The following ATP9B variants were observed in gnomAD, a reference collection of about 807,000 sequenced individuals.
The protein encoded by ATP9B is probable phospholipid-transporting ATPase IIB.
In ATP9B, 110 loss-of-function variants were observed where a neutral mutation model predicts 146.1. That is an observed-to-expected ratio of 0.75 (90% confidence interval 0.65 to 0.88). The LOEUF (loss-of-function observed/expected upper bound fraction) is 0.88. Among genes scored for constraint, ATP9B ranks in the 40% least tolerant of loss-of-function variants. ATP9B has a pLI of 0.00. For synonymous variants in ATP9B, 604 were observed against 569.7 expected, an observed-to-expected ratio of 1.06 and a Z score of -0.86; for missense variants, 1,499 against 1,496.4, an observed-to-expected ratio of 1.00 and a Z score of -0.03.
chr18:79,194,245 A>G (rs974514879), intron 9 of ATP9B: 2 of 152,218 alleles, frequency 1.3e-5, no homozygotes, highest in African/African-American at 4.8e-5. Flanking sequence ...ATGAGAATAA[A>G]TGTTACAAAA....
intron 7 of ATP9B, among the ~76,000 whole-genome samples, chr18:79,169,081 T>TA (rs1364460858): frequency 6.6e-6 from 1 of 152,136 alleles, no homozygotes; most frequent in Admixed American, 6.5e-5. Context: ...GAAGACCTGA[T>TA]ACAGGCTGTT....
chr18:79,188,514 T>C (rs2095330382), intron 8 of ATP9B, among the ~76,000 whole-genome samples: 1 of 152,218 alleles, frequency 6.6e-6, no homozygotes, highest in Admixed American at 6.5e-5. Context: ...TGTCTTTTCC[T>C]TCACCGGTAA....
At chr18:79,260,290 A>T (rs2096126643) in intron 12 of ATP9B, among the ~76,000 whole-genome samples, 1 of 152,074 alleles carries the variant, frequency 6.6e-6, no homozygotes, top group South Asian at 2.1e-4. Context: ...GTGAAGGAGG[A>T]ACCATCCCAC....
intron 5 of ATP9B, among the ~76,000 whole-genome samples, chr18:79,141,198 A>C (rs773378953): frequency 1.2e-4 from 18 of 152,136 alleles, no homozygotes; most frequent in Admixed American, 2.0e-4. Context: ...TGGTTTTATA[A>C]GGGGCTTTTC....
chr18:79,073,694 G>A (rs1326469570), intron 1 of ATP9B, among the ~76,000 whole-genome samples: 1 of 152,222 alleles, frequency 6.6e-6, no homozygotes, highest in East Asian at 1.9e-4. Flanking sequence ...AAGGGAGAGG[G>A]TAATTCCCTA....
chr18:79,256,284 T>TATATATATATATATAC (rs1217998447), intron 12 of ATP9B, among the ~76,000 whole-genome samples: 42 of 122,876 alleles, frequency 3.4e-4, no homozygotes, highest in Non-Finnish European at 6.6e-4. Flanking sequence ...TATATATATA[T>TATATATATATATATAC]ATACATACAT....
At chr18:79,369,711 C>T (rs978131849) in intron 26 of ATP9B, among the ~76,000 whole-genome samples, 1 of 152,180 alleles carries the variant, frequency 6.6e-6, no homozygotes, top group Non-Finnish European at 1.5e-5. Context: ...ACGCCACACG[C>T]GCATCAGCGT....
rs1047301044 is a variant in ATP9B at position 79,290,749 on chromosome 18, C to G, written c.1412-12855C>G. 9.8e-5 allele frequency among the ~76,000 whole-genome samples: 15 copies of G among 152,358 alleles called. No individual in the cohort carries two copies. In the South Asian group the frequency reaches 1.2e-3, roughly 13 times the overall value. On this transcript the variant is annotated intron_variant, in intron 13 of 29. Transcript: ENST00000426216. ...GTAGACTGGAGCTGTTCCTATTCGG[C>G]TGTCTTGGCTGCCCCCCTTCCATTT...
chr18:79,215,083 G>A lies in ATP9B; in HGVS notation c.1107+1045G>A, dbSNP rs79802675. 4.9e-3 allele frequency among the ~76,000 whole-genome samples: 736 copies of A among 150,236 alleles called. 11 individuals are homozygous for A. The highest frequency in any genetic ancestry group is 0.017 in the African/African-American group (688 of 40,716). ...GGATAGCTCAAACCCGGGAGGTGGC[G>A]GTTGCAGTGAGCCAAGATCGCACCA... On this transcript the variant is annotated intron_variant, in intron 11 of 29. Transcript: ENST00000426216.
chr18:79,124,124 A>C (rs1402509884), intron 4 of ATP9B, among the ~76,000 whole-genome samples: 1 of 151,942 alleles, frequency 6.6e-6, no homozygotes, highest in Non-Finnish European at 1.5e-5. Flanking sequence ...TACTACACAC[A>C]CAATTACCAT....
chr18:79,267,930 T>C (rs1157169857), intron 12 of ATP9B, among the ~76,000 whole-genome samples: 1 of 152,154 alleles, frequency 6.6e-6, no homozygotes, highest in Non-Finnish European at 1.5e-5. Context: ...TAAAAGTTGC[T>C]GAAATTTGTC....
intron 11 of ATP9B, among the ~76,000 whole-genome samples, chr18:79,229,606 G>T: frequency 6.6e-6 from 1 of 152,206 alleles, no homozygotes; most frequent in Non-Finnish European, 1.5e-5. Flanking sequence ...AGATGATGGT[G>T]TGTTTCCAGA....
intron 19 of ATP9B, among the ~76,000 whole-genome samples, chr18:79,340,104 G>A (rs1335447152): frequency 2.0e-5 from 3 of 152,130 alleles, no homozygotes; most frequent in African/African-American, 7.2e-5. Context: ...ACACATGAAT[G>A]AGCGAGCATA....
rs185943696 is a variant in ATP9B, at chr18:79,164,163, C to T, written c.778+9608C>T. ...TGGTCTTGCACTTCTGGGTCCAAGC[C>T]ATTCTCACGTCTTGGTCTCCTAAAG... On this transcript the variant is annotated intron_variant, in intron 7 of 29. Transcript: ENST00000426216. Among the ~76,000 whole-genome samples, 3 of 152,222 alleles carry T rather than the reference C, an allele frequency of 2.0e-5. No homozygotes were observed. The East Asian group carries it at 5.8e-4, about 29-fold the overall frequency.
At chr18:79,347,664 G>A (rs1306899867) in intron 23 of ATP9B, 106 bp from the exon 24 acceptor site, 1 of 1,321,106 alleles carries the variant, frequency 7.6e-7, no homozygotes, top group Non-Finnish European at 1.0e-6. Context: ...TCTGCAGAGA[G>A]AATTTCGGTC....
intron 15 of ATP9B, among the ~76,000 whole-genome samples, chr18:79,313,410 G>A (rs2096663277): frequency 6.6e-6 from 1 of 152,066 alleles, no homozygotes; most frequent in Non-Finnish European, 1.5e-5. Flanking sequence ...ATCAAGAAGG[G>A]GTCGAACACA....
Position 79,306,883 on chromosome 18 carries a change from C to A in ATP9B, c.1525-103C>A, listed in dbSNP as rs534752332. Reference sequence around the variant, plus strand: ...CAGAATCAAATCAGGCTACTTATTTCTAGCTACTTTGCTTGTAAAAATCAT... The same window carrying A: ...CAGAATCAAATCAGGCTACTTATTTATAGCTACTTTGCTTGTAAAAATCAT... On this transcript the variant is annotated intron_variant, in intron 14 of 29. Transcript: ENST00000426216. 9.0e-6 allele frequency: 12 copies of A among 1,326,762 alleles called. No individual in the cohort carries two copies. The South Asian group carries it at 1.8e-4, about 19-fold the overall frequency. 82.2% of individuals were successfully genotyped at this position (1,326,762 alleles called of 1,614,324 possible). A position where few individuals can be genotyped will look rare whatever the true frequency, so the allele number is the denominator to read the frequency against.
intron 12 of ATP9B, among the ~76,000 whole-genome samples, chr18:79,269,103 T>C (rs1454437122): frequency 6.6e-6 from 1 of 152,204 alleles, no homozygotes; most frequent in African/African-American, 2.4e-5. Context: ...TTTTATTCAT[T>C]CTAGAAAGTC....
intron 11 of ATP9B, among the ~76,000 whole-genome samples, chr18:79,229,693 T>C (rs1031285510): frequency 1.3e-5 from 2 of 152,222 alleles, no homozygotes; most frequent in African/African-American, 4.8e-5. Context: ...GAAAACCAGA[T>C]TGCCAAGTTT....
Sources: allele counts gnomAD v4.1 joint callset (sites outside exome capture counted in the v4.1 genomes callset), GRCh38; gene constraint gnomAD v4.1.1; transcripts MANE v1.5; gene names NCBI Gene and HGNC (gene_info 2026-07-23, HGNC 2026-07-21).